AKAP13: variants seen among roughly 807,000 people sequenced by gnomAD.
AKAP13 encodes the protein A-kinase anchor protein 13.
A neutral mutation model predicts 264.5 loss-of-function variants in AKAP13; 80 were observed. The ratio of observed to expected loss-of-function variants is 0.30; its 90% CI spans 0.25 to 0.36. AKAP13 has a LOEUF of 0.36. Among genes scored for constraint, AKAP13 ranks in the 10% least tolerant of loss-of-function variants. The pLI is 1.00. For missense variants in AKAP13, 3,712 were observed against 3,435.2 expected (o/e 1.08, Z -2.01); for synonymous variants, 1,380 against 1,250.2 (o/e 1.10, Z -2.19).
At chr15:85,458,663 G>T (rs774921671) in intron 1 of AKAP13, among the ~76,000 whole-genome samples, 1 of 152,096 alleles carries the variant, frequency 6.6e-6, no homozygotes, top group East Asian at 1.9e-4. Context: ...GAAACTTAGG[G>T]TGATCATTTT....
rs1039830800 is a variant in AKAP13 at position 85,713,133 on chromosome 15, G to A, written c.5599+2488G>A. On this transcript the variant is annotated intron_variant, in intron 19 of 36. Transcript: ENST00000394518. ...CACTGCTATGATCATCACAAATAAG[G>A]AAACAGCAATATTGAGTCACTTACT... Among the ~76,000 whole-genome samples, 36 of 152,098 alleles carry A rather than the reference G, an allele frequency of 2.4e-4. 1 individual carries two copies. Among genetic ancestry groups the A allele is most frequent in the Non-Finnish European group, 3.4e-4 (23 of 68,018 alleles).
intron 1 of AKAP13, among the ~76,000 whole-genome samples, chr15:85,392,957 G>A (rs1191902688): frequency 3.9e-5 from 6 of 152,124 alleles, no homozygotes; most frequent in African/African-American, 1.4e-4. Flanking sequence ...TAAAGGTGGT[G>A]GATATGACAG....
At chr15:85,480,086 A>G (rs971533370) in intron 1 of AKAP13, among the ~76,000 whole-genome samples, 2 of 152,230 alleles carry the variant, frequency 1.3e-5, no homozygotes, top group African/African-American at 2.4e-5. Context: ...CATTATTTGA[A>G]TAGTTACAAT....
At chr15:85,582,729 G>T (rs1047914379) in intron 7 of AKAP13, among the ~76,000 whole-genome samples, 1 of 151,960 alleles carries the variant, frequency 6.6e-6, no homozygotes, top group South Asian at 2.1e-4. Context: ...CCTGCTTGGG[G>T]AGTGGACCTC....
intron 19 of AKAP13, among the ~76,000 whole-genome samples, chr15:85,714,219 A>G (rs907079225): frequency 6.6e-6 from 1 of 152,244 alleles, no homozygotes; most frequent in Non-Finnish European, 1.5e-5. Context: ...GGAAGAGAAA[A>G]TATATTTACT....
intron 25 of AKAP13, among the ~76,000 whole-genome samples, chr15:85,722,786 T>G (rs2087372912): frequency 6.6e-6 from 1 of 152,202 alleles, no homozygotes; most frequent in Non-Finnish European, 1.5e-5. Context: ...AAAACTTGGT[T>G]GCTCTTCCTG....
intron 5 of AKAP13, among the ~76,000 whole-genome samples, chr15:85,557,362 C>T (rs1392965360): frequency 6.6e-6 from 1 of 152,082 alleles, no homozygotes; most frequent in Non-Finnish European, 1.5e-5. Context: ...TTTTTACAAT[C>T]GTTTTATATT....
At chr15:85,681,734 T>TTTTTTTTTTTTTTG (rs1442248543) in intron 14 of AKAP13, among the ~76,000 whole-genome samples, 1 of 151,222 alleles carries the variant, frequency 6.6e-6, no homozygotes, top group African/African-American at 2.4e-5. Flanking sequence ...CTAGATCTTA[T>TTTTTTTTTTTTTTG]AGAAACATAT....
At chr15:85,596,723 A>C (rs1226080762) in intron 8 of AKAP13, among the ~76,000 whole-genome samples, 1 of 152,226 alleles carries the variant, frequency 6.6e-6, no homozygotes, top group Non-Finnish European at 1.5e-5. Context: ...AGTTTGAACT[A>C]ATTATAATAG....
At chr15:85,677,647 G>T (rs865887163) in intron 14 of AKAP13, among the ~76,000 whole-genome samples, 29 of 136,706 alleles carry the variant, frequency 2.1e-4, no homozygotes, top group Middle Eastern at 3.7e-3. Flanking sequence ...TGTGTGTTGT[G>T]TTTTTTTTTT....
chr15:85,684,843 G>A lies in AKAP13; in HGVS notation c.5259G>A (p.Lys1753=). 6.2e-7 allele frequency: 1 copy of A among 1,613,834 alleles called. No homozygotes were observed. Among genetic ancestry groups the A allele is most frequent in the South Asian group, 1.1e-5 (1 of 91,052 alleles). ...TCAGTCGTACATTCAGCTACATCAA[G>A]AATAAAATGTCTAGCAGCAAGAAGA... ...TKVSRTFSYI[K]NKMSSSKKSK... is the part of the protein sequence containing the mutation. The change falls in exon 16 of 37, where the codon AAG becomes AAA. Residue 1753 remains lysine, a synonymous_variant. Coordinates refer to ENST00000394518, the MANE Select transcript of AKAP13 (RefSeq NM_007200.5).
At chr15:85,556,255 C>T (rs1432408937) in intron 5 of AKAP13, among the ~76,000 whole-genome samples, 2 of 152,174 alleles carry the variant, frequency 1.3e-5, no homozygotes, top group Non-Finnish European at 2.9e-5. Flanking sequence ...TTTATTATCG[C>T]TATCAAATAT....
chr15:85,668,648 T>C (rs947842987), intron 13 of AKAP13, among the ~76,000 whole-genome samples: 4 of 152,202 alleles, frequency 2.6e-5, no homozygotes, highest in Non-Finnish European at 4.4e-5. Flanking sequence ...TTTCCAATTA[T>C]TTAAAATCAG....
chr15:85,620,035 A>C (rs144566673), intron 8 of AKAP13: 10 of 1,534,650 alleles, frequency 6.5e-6, no homozygotes, highest in Non-Finnish European at 8.7e-6. Context: ...CTGGTCCCCA[A>C]GTTAACAGTG....
intron 18 of AKAP13, among the ~76,000 whole-genome samples, chr15:85,709,531 G>A (rs1567206980): frequency 6.6e-6 from 1 of 151,808 alleles, no homozygotes; most frequent in Non-Finnish European, 1.5e-5. Flanking sequence ...GTTGCCTGCC[G>A]GCACCATAGT....
At chr15:85,682,102 C>T in intron 14 of AKAP13, 56 bp from the exon 15 acceptor site, 1 of 1,486,854 alleles carries the variant, frequency 6.7e-7, no homozygotes, top group Non-Finnish European at 9.4e-7. Context: ...AAATATTCTA[C>T]CCGGCATCAG....
At chr15:85,473,277 T>A (rs1380547871) in intron 1 of AKAP13, among the ~76,000 whole-genome samples, 1 of 152,192 alleles carries the variant, frequency 6.6e-6, no homozygotes, top group Non-Finnish European at 1.5e-5. Context: ...AGAGTAGGGA[T>A]GTAGGCTTAC....
chr15:85,701,606 A>AT (rs908726150), intron 17 of AKAP13, among the ~76,000 whole-genome samples: 20 of 150,442 alleles, frequency 1.3e-4, no homozygotes, highest in South Asian at 4.2e-4. Context: ...CACCTGGCTA[A>AT]TTTTTTTTTG....
intron 8 of AKAP13, among the ~76,000 whole-genome samples, chr15:85,635,845 A>G (rs1235464458): frequency 6.6e-6 from 1 of 152,188 alleles, no homozygotes; most frequent in Non-Finnish European, 1.5e-5. Flanking sequence ...CCTCATTAAA[A>G]TATCTTGGCA....
Sources: allele counts gnomAD v4.1 joint callset (sites outside exome capture counted in the v4.1 genomes callset), GRCh38; gene constraint gnomAD v4.1.1; transcripts MANE v1.5; gene names NCBI Gene and HGNC (gene_info 2026-07-23, HGNC 2026-07-21).